Variants in POLE2 observed in about 807,000 individuals in gnomAD.
POLE2 encodes DNA polymerase epsilon 2, accessory subunit.
Under a neutral mutation model 79.4 loss-of-function variants are expected in POLE2, and 56 were observed. The observed-to-expected ratio is 0.71, with a 90% CI of 0.57 to 0.88. POLE2 has a LOEUF of 0.88. Ranked by LOEUF, POLE2 falls within the 40% of genes least tolerant of loss-of-function variation. The pLI is 0.00. For synonymous variants in POLE2, 212 were observed against 214.0 expected (o/e 0.99, Z 0.08); for missense variants, 598 against 638.9 (o/e 0.94, Z 0.69).
At chr14:49,648,066 C>T (rs1472428848) in intron 17 of POLE2, among the ~76,000 whole-genome samples, 2 of 152,230 alleles carry the variant, frequency 1.3e-5, no homozygotes, top group African/African-American at 2.4e-5. Flanking sequence ...GCCCCTCTCT[C>T]TAATGCAAAA....
chr14:49,672,047 T>C (rs914483925), intron 5 of POLE2, among the ~76,000 whole-genome samples: 5 of 152,090 alleles, frequency 3.3e-5, no homozygotes, highest in African/African-American at 1.2e-4. Context: ...CCTTCCAAAA[T>C]AGGACGGTTT....
intron 5 of POLE2, among the ~76,000 whole-genome samples, chr14:49,670,957 G>A (rs144024133): frequency 9.9e-5 from 15 of 152,192 alleles, no homozygotes; most frequent in South Asian, 2.1e-4. Flanking sequence ...TACAAACTTC[G>A]TATGCCCAGC....
chr14:49,663,256 C>T, intron 10 of POLE2, 59 bp downstream of exon 10: 2 of 791,264 alleles, frequency 2.5e-6, no homozygotes, highest in African/African-American at 1.7e-5. Flanking sequence ...TACTATCTTA[C>T]ATTCACTCCT....
intron 2 of POLE2, chr14:49,681,383 A>G (rs1401038735): frequency 5.2e-6 from 1 of 191,622 alleles, no homozygotes; most frequent in Non-Finnish European, 1.1e-5. Flanking sequence ...AAATCATAAA[A>G]AACTGGAACA....
chr14:49,666,420 TAAAAC>T lies in POLE2; in HGVS notation c.493-12_493-8del, dbSNP rs762831254. On this transcript the variant is annotated splice_polypyrimidine_tract_variant and splice_region_variant and intron_variant, in intron 6 of 18. Coordinates refer to ENST00000216367, the MANE Select transcript of POLE2 (RefSeq NM_002692.4). ...AGGTTTCTATTGTTTTAAGCTAAAA[TAAAAC>T]AAAATAAATTTTAAAGACTGTAAAT... The T allele has an allele frequency of 8.8e-6, 11 of 1,245,322 alleles. No homozygotes were observed. Among genetic ancestry groups the T allele is most frequent in the African/African-American group, 6.3e-5 (4 of 63,708 alleles). The allele number at this position is 1,245,322 out of a possible 1,614,324, so 77.1% of individuals were successfully genotyped here.
At chr14:49,667,482 A>G (rs1401215316) in intron 6 of POLE2, among the ~76,000 whole-genome samples, 1 of 152,034 alleles carries the variant, frequency 6.6e-6, no homozygotes, top group African/African-American at 2.4e-5. Flanking sequence ...AGTTGTTCCC[A>G]GTTTTCTACT....
chr14:49,652,058 G>A (rs895062844), intron 15 of POLE2, among the ~76,000 whole-genome samples: 17 of 152,038 alleles, frequency 1.1e-4, no homozygotes, highest in African/African-American at 4.1e-4. Context: ...TAAATCACGA[G>A]GGGTCCCTTT....
chr14:49,677,527 CT>C, intron 3 of POLE2: 1 of 491,454 alleles, frequency 2.0e-6, no homozygotes, highest in East Asian at 3.6e-5. Context: ...CCACCAGGCC[CT>C]GACCCTGCCG....
Position 49,663,303 on chromosome 14 carries a change from A to G in POLE2, c.755+12T>C. On this transcript the variant is annotated intron_variant, in intron 10 of 18. Transcript: ENST00000216367. ...CAAATTCCCATAGAGTATAAACCAA[A>G]CATTTTAATACCTAGTAGTACTAGA... The G allele has an allele frequency of 6.7e-7, 1 of 1,487,754 alleles. No homozygotes were observed. Among genetic ancestry groups the G allele is most frequent in the Non-Finnish European group, 9.3e-7 (1 of 1,080,532 alleles). The allele number at this position is 1,487,754 out of a possible 1,614,324, so 92.2% of individuals were successfully genotyped here. A position where few individuals can be genotyped will look rare whatever the true frequency, so the allele number is the denominator to read the frequency against.
intron 6 of POLE2, among the ~76,000 whole-genome samples, chr14:49,668,303 G>C (rs1429578973): frequency 1.3e-5 from 2 of 151,646 alleles, no homozygotes; most frequent in Admixed American, 1.3e-4. Flanking sequence ...GAGGAAGGGG[G>C]AAGGGGGAAG....
chr14:49,645,043 C>CAAAAAAAAAAAAAAAAAAAAAAAAA (rs527251561), intron 18 of POLE2, among the ~76,000 whole-genome samples: 2 of 88,298 alleles, frequency 2.3e-5, no homozygotes, highest in Non-Finnish European at 4.8e-5. Context: ...CTCCGTCTCA[C>CAAAAAAAAAAAAAAAAAAAAAAAAA]AAAAAAAAAA....
chr14:49,664,539 A>T, intron 9 of POLE2, 87 bp downstream of exon 9: 1 of 871,194 alleles, frequency 1.1e-6, no homozygotes, highest in Non-Finnish European at 1.9e-6. Context: ...GGTATCCCAA[A>T]TTATATCATG....
At chr14:49,660,305 C>T (rs1885010530) in intron 10 of POLE2, among the ~76,000 whole-genome samples, 1 of 152,134 alleles carries the variant, frequency 6.6e-6, no homozygotes, top group African/African-American at 2.4e-5. Context: ...TGCACAGTGA[C>T]ATAATCACCT....
chr14:49,666,710 A>G (rs1239623592), intron 6 of POLE2, among the ~76,000 whole-genome samples: 1 of 152,152 alleles, frequency 6.6e-6, no homozygotes, highest in Non-Finnish European at 1.5e-5. Context: ...AAGTACATTT[A>G]TTTTTTAAAT....
At chr14:49,683,466 A>T (rs1028930699) in intron 2 of POLE2, 127 bp downstream of exon 2, 2 of 529,448 alleles carry the variant, frequency 3.8e-6, no homozygotes, top group African/African-American at 3.9e-5. Flanking sequence ...AAATGCTACC[A>T]TGCATACATC....
chr14:49,675,165 A>G (rs1566562636), intron 3 of POLE2, among the ~76,000 whole-genome samples: 1 of 150,970 alleles, frequency 6.6e-6, no homozygotes, highest in Non-Finnish European at 1.5e-5. Flanking sequence ...GCTCACCACA[A>G]CCTCCGCCTC....
chr14:49,678,461 G>C (rs1424482054), intron 3 of POLE2, among the ~76,000 whole-genome samples: 1 of 152,108 alleles, frequency 6.6e-6, no homozygotes, highest in African/African-American at 2.4e-5. Flanking sequence ...CCAAATCTGG[G>C]AGCAAGAGAA....
chr14:49,664,712 G>A, intron 8 of POLE2, 38 bp from the exon 9 acceptor site: 1 of 1,307,102 alleles, frequency 7.7e-7, no homozygotes, highest in Non-Finnish European at 1.1e-6. Flanking sequence ...TATTCTTGAG[G>A]CAGTAATAAA....
At chr14:49,685,235 G>A (rs74923386) in intron 1 of POLE2, among the ~76,000 whole-genome samples, 345 of 152,076 alleles carry the variant, frequency 2.3e-3, no homozygotes, top group African/African-American at 7.7e-3. Context: ...TCTATATATT[G>A]GGTTGCTTTA....
Sources: allele counts gnomAD v4.1 joint callset (sites outside exome capture counted in the v4.1 genomes callset), GRCh38; gene constraint gnomAD v4.1.1; transcripts MANE v1.5; gene names NCBI Gene and HGNC (gene_info 2026-07-23, HGNC 2026-07-21).